Variants in OSBPL9 observed in about 807,000 individuals in gnomAD.
OSBPL9 encodes the protein oxysterol-binding protein-related protein 9.
OSBPL9 carries 40 observed loss-of-function variants against 106.6 expected under a neutral mutation model. That is an observed-to-expected ratio of 0.38 (90% CI 0.29 to 0.49). OSBPL9 has a LOEUF of 0.49. Ranked by LOEUF, OSBPL9 falls within the 20% of genes least tolerant of loss-of-function variation. The probability of loss-of-function intolerance (pLI) is 0.97; values close to 1 mark genes in which losing one functional copy is unlikely to be tolerated. For synonymous variants in OSBPL9, 269 were observed against 295.4 expected (o/e 0.91, Z 0.92); for missense variants, 609 against 887.2 (o/e 0.69, Z 3.98).
chr1:51,713,935 T>C, intron 3 of OSBPL9, 68 bp from the exon 4 acceptor site: 1 of 1,234,108 alleles, frequency 8.1e-7, no homozygotes, highest in South Asian at 1.5e-5. Flanking sequence ...TTTAAAATGA[T>C]ATTTTCAAAT....
At chr1:51,746,415 C>T (rs527912730) in intron 5 of OSBPL9, among the ~76,000 whole-genome samples, 1 of 151,970 alleles carries the variant, frequency 6.6e-6, no homozygotes, top group African/African-American at 2.4e-5. Context: ...GAAAACAAAG[C>T]AGAAAAAAAA....
At chr1:51,588,956 G>C (rs543019796) in intron 1 of OSBPL9, among the ~76,000 whole-genome samples, 1 of 152,328 alleles carries the variant, frequency 6.6e-6, no homozygotes, top group Admixed American at 6.5e-5. Context: ...AGTGAGGAGA[G>C]AGAAAAACGG....
chr1:51,734,676 G>T (rs1034124353), intron 4 of OSBPL9, among the ~76,000 whole-genome samples: 1 of 152,078 alleles, frequency 6.6e-6, no homozygotes, highest in Non-Finnish European at 1.5e-5. Context: ...TTATTGTGGA[G>T]AAATCAGTCT....
the OSBPL9 span, among the ~76,000 whole-genome samples, chr1:51,540,766 C>A: frequency 1.3e-5 from 2 of 151,998 alleles, no homozygotes; most frequent in African/African-American, 4.8e-5. Flanking sequence ...CCAGACCAGC[C>A]TGGCCAACAT....
At chr1:51,733,205 C>G (rs190181579) in intron 4 of OSBPL9, among the ~76,000 whole-genome samples, 47 of 152,298 alleles carry the variant, frequency 3.1e-4, no homozygotes, top group African/African-American at 1.1e-3. Context: ...TTGCATTAAA[C>G]CCTGATTTCC....
At chr1:51,633,977 C>G (rs11205873) in intron 1 of OSBPL9, among the ~76,000 whole-genome samples, 36,739 of 152,070 alleles carry the variant, frequency 0.24, 6,232 homozygotes, top group African/African-American at 0.47. Flanking sequence ...TGAGCCCCAA[C>G]CTCCAGATTT....
intron 9 of OSBPL9, chr1:51,759,538 C>T (rs1263806727): frequency 6.6e-6 from 1 of 152,070 alleles, no homozygotes; most frequent in Non-Finnish European, 1.5e-5. Context: ...ATAAGCACTA[C>T]TTAATATATA....
At chr1:51,712,868 A>C (rs564277680) in intron 3 of OSBPL9, among the ~76,000 whole-genome samples, 17 of 152,252 alleles carry the variant, frequency 1.1e-4, no homozygotes, top group African/African-American at 3.9e-4. Context: ...ATCTTCCTAC[A>C]GAAAAGATTT....
intron 3 of OSBPL9, among the ~76,000 whole-genome samples, chr1:51,682,943 C>A (rs534135774): frequency 6.7e-6 from 1 of 149,956 alleles, no homozygotes; most frequent in Non-Finnish European, 1.5e-5. Context: ...ATGGCATGAT[C>A]TTGGTTCACT....
At chr1:51,561,312 C>T in the OSBPL9 span, among the ~76,000 whole-genome samples, 8 of 152,134 alleles carry the variant, frequency 5.3e-5, no homozygotes, top group African/African-American at 1.7e-4. Flanking sequence ...TGTCTTCAGG[C>T]AAATTATTTA....
chr1:51,527,158 A>T, the OSBPL9 span, among the ~76,000 whole-genome samples: 1 of 152,190 alleles, frequency 6.6e-6, no homozygotes, highest in South Asian at 2.1e-4. Context: ...CTCCACTTAT[A>T]AGCTACAACA....
chr1:51,610,852 T>C (rs984279216), intron 2 of OSBPL9, among the ~76,000 whole-genome samples: 3 of 152,192 alleles, frequency 2.0e-5, no homozygotes, highest in Non-Finnish European at 4.4e-5. Flanking sequence ...GCTAAGCTTG[T>C]GGATGCACAT....
intron 2 of OSBPL9, among the ~76,000 whole-genome samples, chr1:51,657,066 A>G (rs1420535064): frequency 6.6e-6 from 1 of 152,212 alleles, no homozygotes; most frequent in Non-Finnish European, 1.5e-5. Context: ...CACTTGGATA[A>G]TAAGTTCCTA....
chr1:51,685,197 C>T (rs1653505334), intron 3 of OSBPL9, among the ~76,000 whole-genome samples: 1 of 152,106 alleles, frequency 6.6e-6, no homozygotes, highest in Non-Finnish European at 1.5e-5. Context: ...AGCAACATGC[C>T]TAATACCAAG....
chr1:51,698,314 C>T (rs1656502692), intron 3 of OSBPL9, among the ~76,000 whole-genome samples: 1 of 152,042 alleles, frequency 6.6e-6, no homozygotes, highest in Non-Finnish European at 1.5e-5. Flanking sequence ...AACTGGATTG[C>T]AGTCCATTAA....
At chr1:51,682,508 C>T (rs1652791051) in intron 3 of OSBPL9, among the ~76,000 whole-genome samples, 1 of 152,006 alleles carries the variant, frequency 6.6e-6, no homozygotes, top group Non-Finnish European at 1.5e-5. Flanking sequence ...ACCTGTAATC[C>T]CAGCACTTTG....
chr1:51,762,188 A>C (rs945824915), intron 11 of OSBPL9, among the ~76,000 whole-genome samples: 17 of 152,038 alleles, frequency 1.1e-4, no homozygotes, highest in African/African-American at 4.1e-4. Flanking sequence ...TAAGTTTTTA[A>C]AATTTTTATT....
intron 3 of OSBPL9, among the ~76,000 whole-genome samples, chr1:51,685,413 CT>C (rs201739183): frequency 1.0e-3 from 146 of 146,274 alleles, no homozygotes; most frequent in Non-Finnish European, 1.1e-3. Flanking sequence ...CCATGATAAT[CT>C]TTTTTTTTTT....
At chr1:51,742,347 G>T (rs1667109759) in intron 4 of OSBPL9, among the ~76,000 whole-genome samples, 1 of 152,100 alleles carries the variant, frequency 6.6e-6, no homozygotes, top group Non-Finnish European at 1.5e-5. Flanking sequence ...CTGTCTGAAA[G>T]AATTTGCCCT....
Sources: allele counts gnomAD v4.1 joint callset (sites outside exome capture counted in the v4.1 genomes callset), GRCh38; gene constraint gnomAD v4.1.1; transcripts MANE v1.5; gene names NCBI Gene and HGNC (gene_info 2026-07-23, HGNC 2026-07-21).